Variants in AGBL1 observed in about 807,000 individuals in gnomAD.
AGBL1 encodes the protein AGBL carboxypeptidase 1, also known as cytosolic carboxypeptidase 4.
AGBL1 carries 130 observed loss-of-function variants against 118.9 expected under a neutral mutation model. That is an observed-to-expected ratio of 1.09 (90% CI 0.95 to 1.26). AGBL1 has a LOEUF of 1.26. Among genes scored for constraint, AGBL1 ranks in the 50% most tolerant of loss-of-function variants. The pLI, the probability that AGBL1 is intolerant of heterozygous loss-of-function variation, is 0.00. For missense variants in AGBL1, 1,584 were observed against 1,298.1 expected, an observed-to-expected ratio of 1.22 and a Z score of -3.38; for synonymous variants, 555 against 478.9, an observed-to-expected ratio of 1.16 and a Z score of -2.08.
chr15:86,917,331 C>A (rs754006120), downstream of AGBL1, among the ~76,000 whole-genome samples: 1 of 152,198 alleles, frequency 6.6e-6, no homozygotes, highest in Non-Finnish European at 1.5e-5. This position sits in a 1 kb window ranked among gnomAD's most constrained non-coding sequence, Gnocchi z 4.8. Context: ...CTGCCCTCAT[C>A]GACCTTGTCT....
At chr15:86,659,035 A>G (rs1274250441) in intron 21 of AGBL1, among the ~76,000 whole-genome samples, 2 of 152,198 alleles carry the variant, frequency 1.3e-5, no homozygotes, top group African/African-American at 2.4e-5. Flanking sequence ...CAAAGACAGA[A>G]GTAAGCCATG....
intron 21 of AGBL1, among the ~76,000 whole-genome samples, chr15:86,633,737 C>T (rs1201789204): frequency 6.7e-6 from 1 of 148,778 alleles, no homozygotes; most frequent in Non-Finnish European, 1.5e-5. Flanking sequence ...TATCTTTGTA[C>T]TGTATTATAC....
At chr15:86,451,593 G>C (rs975612206) in intron 18 of AGBL1, among the ~76,000 whole-genome samples, 20 of 152,272 alleles carry the variant, frequency 1.3e-4, no homozygotes, top group African/African-American at 4.6e-4. Context: ...ATGGGATAGA[G>C]GTAATTCCTC....
At chr15:86,693,287 A>G (rs995546076) in intron 22 of AGBL1, among the ~76,000 whole-genome samples, 1 of 151,656 alleles carries the variant, frequency 6.6e-6, no homozygotes, top group East Asian at 1.9e-4. Flanking sequence ...TTTTAATTAC[A>G]GCCACTCTTG....
chr15:86,516,200 G>C (rs1289480024), intron 18 of AGBL1, among the ~76,000 whole-genome samples: 1 of 152,188 alleles, frequency 6.6e-6, no homozygotes, highest in Admixed American at 6.5e-5. Context: ...GGTGAACGGA[G>C]GGTTGGCTTT....
At chr15:86,392,593 G>A (rs1425170705) in intron 17 of AGBL1, among the ~76,000 whole-genome samples, 4 of 152,156 alleles carry the variant, frequency 2.6e-5, no homozygotes, top group Non-Finnish European at 4.4e-5. Flanking sequence ...TAAATGAATG[G>A]ATGTTTATAT....
At chr15:86,735,104 G>A (rs529737076) in intron 22 of AGBL1, among the ~76,000 whole-genome samples, 11 of 151,940 alleles carry the variant, frequency 7.2e-5, no homozygotes, top group South Asian at 2.1e-4. Flanking sequence ...TATTTAAGAC[G>A]GAGTTCCACT....
At chr15:86,690,991 C>T (rs1358065509) in intron 22 of AGBL1, among the ~76,000 whole-genome samples, 1 of 151,834 alleles carries the variant, frequency 6.6e-6, no homozygotes, top group East Asian at 1.9e-4. Context: ...TTTATGTGGA[C>T]ATTTATTTTA....
chr15:86,996,849 A>T (rs182829286), intron 24 of AGBL1, among the ~76,000 whole-genome samples: 43 of 152,284 alleles, frequency 2.8e-4, no homozygotes, highest in Admixed American at 2.6e-3. Flanking sequence ...AAAACTTTGG[A>T]GTTCATCACC....
rs560979413 is a variant in AGBL1, at chr15:86,583,152, TA to T, written c.2994+28626del. ...ATTTTTAGAGATGAGAATTGGAATT[TA>T]AAAAAAAAAATTCAACTTTTATGTT... is the stretch of plus-strand genomic sequence containing the variant. On this transcript the variant is annotated intron_variant, in intron 21 of 22. Transcript: ENST00000614907. 5.0e-3 allele frequency among the ~76,000 whole-genome samples: 751 copies of T among 149,640 alleles called. 2 individuals carry two copies. Among genetic ancestry groups the T allele is most frequent in the South Asian group, 7.8e-3 (37 of 4,740 alleles).
intron 18 of AGBL1, among the ~76,000 whole-genome samples, chr15:86,407,959 G>A (rs1167434590): frequency 6.6e-6 from 1 of 152,106 alleles, no homozygotes; most frequent in Non-Finnish European, 1.5e-5. Context: ...TAGGGCAGAG[G>A]ACCAGGACTC....
At chr15:86,923,599 G>A (rs900276088) in intron 23 of AGBL1, among the ~76,000 whole-genome samples, 2 of 152,124 alleles carry the variant, frequency 1.3e-5, no homozygotes, top group South Asian at 2.1e-4. Context: ...TTGGCTATTT[G>A]GCTGTTTATC....
At chr15:86,666,326 T>G (rs889550819) in intron 21 of AGBL1, among the ~76,000 whole-genome samples, 1 of 152,192 alleles carries the variant, frequency 6.6e-6, no homozygotes, top group African/African-American at 2.4e-5. Context: ...ATTTAATAAT[T>G]TATTTTGCTG....
chr15:86,693,804 C>G (rs1202314411), intron 22 of AGBL1, among the ~76,000 whole-genome samples: 1 of 151,878 alleles, frequency 6.6e-6, no homozygotes, highest in Non-Finnish European at 1.5e-5. Context: ...AGTTTCATTC[C>G]CCTACCTGTG....
intron 5 of AGBL1, among the ~76,000 whole-genome samples, chr15:86,206,958 T>G (rs1000128886): frequency 6.6e-6 from 1 of 152,234 alleles, no homozygotes; most frequent in Non-Finnish European, 1.5e-5. Context: ...AACATTTAAG[T>G]CTTTAATCCA....
chr15:86,967,793 T>A (rs918856768), intron 23 of AGBL1, among the ~76,000 whole-genome samples: 31 of 152,260 alleles, frequency 2.0e-4, no homozygotes, highest in African/African-American at 7.0e-4. Context: ...GGCTTAGGAT[T>A]GACTTGACAA....
chr15:86,202,899 A>C (rs1027552420), intron 5 of AGBL1, among the ~76,000 whole-genome samples: 13 of 152,096 alleles, frequency 8.5e-5, no homozygotes, highest in African/African-American at 3.1e-4. Context: ...AAGGAGGCTG[A>C]GGCAATTGCA....
intron 24 of AGBL1, among the ~76,000 whole-genome samples, chr15:87,016,516 G>T (rs375264058): frequency 1.1e-4 from 16 of 152,220 alleles, no homozygotes; most frequent in African/African-American, 3.9e-4. Context: ...TATAAACTGA[G>T]GACATTATAA....
intron 23 of AGBL1, among the ~76,000 whole-genome samples, chr15:86,967,038 T>C (rs1171082150): frequency 6.6e-6 from 1 of 152,218 alleles, no homozygotes; most frequent in East Asian, 1.9e-4. Context: ...TGAGATGGTA[T>C]GTCGTTGTGG....
Sources: gnomAD v4.1 joint callset for allele counts (sites outside exome capture counted in the v4.1 genomes callset) on GRCh38, gnomAD v4.1.1 for gene constraint, Gnocchi (gnomAD v3.1) non-coding constraint, MANE v1.5 for transcripts, NCBI Gene and HGNC (gene_info 2026-07-23, HGNC 2026-07-21) for gene names.